The following DCST2 variants were observed in gnomAD, a reference collection of about 807,000 sequenced individuals.
DCST2 encodes DC-STAMP domain-containing protein 2.
In DCST2, 64 loss-of-function variants were observed where a neutral mutation model predicts 81.8. The ratio of observed to expected loss-of-function variants is 0.78; its 90% CI spans 0.64 to 0.96. The LOEUF (loss-of-function observed/expected upper bound fraction) is 0.96, where lower values mean the gene tolerates loss of function less well. Among genes scored for constraint, DCST2 ranks in the 40% least tolerant of loss-of-function variants. The pLI, the probability that DCST2 is intolerant of heterozygous loss-of-function variation, is 0.00. For missense variants in DCST2, 945 were observed against 1,001.4 expected, an observed-to-expected ratio of 0.94 and a Z score of 0.76; for synonymous variants, 354 against 402.6, an observed-to-expected ratio of 0.88 and a Z score of 1.44.
At position 155,024,512 on chromosome 1, in the gene DCST2, C is replaced by T. The variant is rs1222063933; in HGVS notation, c.1702G>A (p.Asp568Asn). 4 of 1,607,916 alleles carry T rather than the reference C, an allele frequency of 2.5e-6. No homozygotes were observed. The highest frequency in any genetic ancestry group is 1.3e-5 in the African/African-American group (1 of 74,744). Residue 568 changes from aspartate (D) to asparagine (N), a missense_variant, in exon 11 of 15, where the codon GAC (aspartate) becomes AAC (asparagine). Coordinates refer to ENST00000368424, the MANE Select transcript of DCST2 (RefSeq NM_144622.3). ...AGGAAGGCACTTCTGTGGCCCTGGT[C>T]AGCCGCCCGCCGCCTCACTGATCGG... ...LHRSVRRRAA[D>N]QGHRSAFLVL...
chr1:155,032,605 C>T lies in DCST2; in HGVS notation c.541+62G>A, dbSNP rs115967436. ...GTGCTGGGATTACAGGCATGAGCCA[C>T]CGCACCCGGCCAGGACTGGGTGCAT... On this transcript the variant is annotated intron_variant, in intron 3 of 14. Coordinates refer to ENST00000368424, the MANE Select transcript of DCST2 (RefSeq NM_144622.3). The T allele has an allele frequency of 4.6e-3, 6,620 of 1,450,640 alleles. 233 individuals carry two copies. In the African/African-American group the frequency reaches 0.081, roughly 18 times the overall value. The allele number at this position is 1,450,640 out of a possible 1,614,324, so 89.9% of individuals were successfully genotyped here.
chr1:155,028,862 C>G (rs1316661413), intron 8 of DCST2, among the ~76,000 whole-genome samples: 1 of 107,012 alleles, frequency 9.3e-6, no homozygotes, highest in Non-Finnish European at 1.8e-5. Context: ...GAACGAGACT[C>G]TGTCTCAAAA....
At chr1:155,029,189 G>A (rs1558101037) in intron 8 of DCST2, 44 bp downstream of exon 8, 3 of 1,603,470 alleles carry the variant, frequency 1.9e-6, no homozygotes, top group Non-Finnish European at 2.6e-6. Flanking sequence ...GGCCGAGGGG[G>A]CTGCAGTGGG....
intron 14 of DCST2, 97 bp downstream of exon 14, chr1:155,023,020 T>G (rs1454169717): frequency 1.3e-6 from 2 of 1,514,340 alleles, no homozygotes; most frequent in East Asian, 4.5e-5. Flanking sequence ...TTTCAAGCCC[T>G]GGCAAAGGTC....
intron 6 of DCST2, 33 bp from the exon 7 acceptor site, chr1:155,030,274 C>T: frequency 1.2e-6 from 2 of 1,613,280 alleles, no homozygotes; most frequent in Non-Finnish European, 1.7e-6. Context: ...ATGTGAGGCC[C>T]CTTAGGACCC....
At chr1:155,028,812 G>C (rs968355976) in intron 8 of DCST2, among the ~76,000 whole-genome samples, 1 of 149,928 alleles carries the variant, frequency 6.7e-6, no homozygotes, top group Non-Finnish European at 1.5e-5. Flanking sequence ...GGCGGAGGCA[G>C]TGAGCCGAGA....
chr1:155,018,888 CAGGCCCACG>C, intron 14 of DCST2, 128 bp from the exon 15 acceptor site: 2 of 932,306 alleles, frequency 2.1e-6, no homozygotes, highest in Non-Finnish European at 3.2e-6. Context: ...CCTGCTCTCT[CAGGCCCACG>C]AGGCGTACCA....
At chr1:155,028,232 A>G (rs1659967857) in intron 8 of DCST2, among the ~76,000 whole-genome samples, 2 of 152,090 alleles carry the variant, frequency 1.3e-5, no homozygotes, top group Non-Finnish European at 2.9e-5. Context: ...GCCCCAACAC[A>G]CATAATCTAA....
At chr1:155,032,314 G>C (rs1660118695) in intron 3 of DCST2, among the ~76,000 whole-genome samples, 1 of 142,856 alleles carries the variant, frequency 7.0e-6, no homozygotes, top group African/African-American at 2.6e-5. Context: ...TTTTTCTTTA[G>C]AGATGGAGTC....
At position 155,023,864 on chromosome 1, in the gene DCST2, T is replaced by C. The variant is rs1239038803; in HGVS notation, c.1838A>G (p.Asn613Ser). The C allele has an allele frequency of 6.2e-7, 1 of 1,613,606 alleles. No individual in the cohort carries two copies. Among genetic ancestry groups the C allele is most frequent in the Non-Finnish European group, 8.5e-7 (1 of 1,179,954 alleles). Residue 613 changes from asparagine to serine, a missense_variant, in exon 12 of 15, where the codon AAC becomes AGC. Asn to Ser is a conservative substitution (Grantham distance 46, BLOSUM62 1). Transcript: ENST00000368424. Reference sequence around the variant, plus strand: ...GCCGGGGGTACTGCAGGACACAGTGTTCTCCATGTCTCCCTCATCCTGGGG... The same window carrying C: ...GCCGGGGGTACTGCAGGACACAGTGCTCTCCATGTCTCCCTCATCCTGGGG... Reference protein sequence around the residue: ...GQPQDEGDMENTVSCSTPGCQ... With the variant: ...GQPQDEGDMESTVSCSTPGCQ...
intron 14 of DCST2, among the ~76,000 whole-genome samples, chr1:155,020,102 G>C (rs1334660105): frequency 6.6e-6 from 1 of 151,966 alleles, no homozygotes; most frequent in Non-Finnish European, 1.5e-5. Context: ...AGGCCACCTG[G>C]TCCACCTGGC....
rs1660175476 is a variant in DCST2 at position 155,033,659 on chromosome 1, C to T, written c.43G>A (p.Glu15Lys). The change falls in exon 1 of 15, where the codon GAG becomes AAG. Residue 15 changes from glutamate to lysine, a missense_variant. Coordinates refer to ENST00000368424, the MANE Select transcript of DCST2 (RefSeq NM_144622.3). ...ACAGCTCTCGCCATGCTAGGCTCCT[C>T]TCCCCCCAAGGGGTGCACAACATCC... ...MKDVVHPLGG[E>K]EPSMARAVVR... is the part of the protein sequence containing the mutation. 3.7e-6 allele frequency: 6 copies of T among 1,614,180 alleles called. No individual in the cohort carries two copies. The highest frequency in any genetic ancestry group is 5.1e-6 in the Non-Finnish European group (6 of 1,180,010).
Position 155,026,693 on chromosome 1 carries a change from G to C in DCST2, c.1365C>G (p.Thr455=), listed in dbSNP as rs530312634. ...VARSPVLVSL[T]VEGTGYAGNI... The stretch of plus-strand genomic sequence containing the variant: ...TCCCAGCGTAGCCAGTACCTTCCAC[G>C]GTTAGAGACACCAACACAGGACCTG... The change falls in exon 9 of 15, where the codon ACC becomes ACG. Residue 455 remains threonine, a synonymous_variant. Coordinates refer to ENST00000368424, the MANE Select transcript of DCST2 (RefSeq NM_144622.3). 1 of 1,614,158 alleles carries C rather than the reference G, an allele frequency of 6.2e-7. No individual in the cohort carries two copies. Among genetic ancestry groups the C allele is most frequent in the South Asian group, 1.1e-5 (1 of 91,084 alleles).
chr1:155,019,169 C>A (rs1297898471), intron 14 of DCST2, among the ~76,000 whole-genome samples: 1 of 152,204 alleles, frequency 6.6e-6, no homozygotes, highest in Non-Finnish European at 1.5e-5. Flanking sequence ...GGAATGTGCC[C>A]ACTGGACAGT....
chr1:155,018,948 G>T (rs1373295498), intron 14 of DCST2, among the ~76,000 whole-genome samples, 188 bp from the exon 15 acceptor site: 1 of 152,154 alleles, frequency 6.6e-6, no homozygotes, highest in Non-Finnish European at 1.5e-5. Context: ...GGCTGATGCT[G>T]GGGGGTGGGC....
chr1:155,022,168 G>A (rs755987019), intron 14 of DCST2, among the ~76,000 whole-genome samples: 9 of 152,050 alleles, frequency 5.9e-5, no homozygotes, highest in South Asian at 2.1e-4. Flanking sequence ...TGCCCGGCCC[G>A]CTTATGGTCT....
rs1333271663 is a variant in DCST2, at chr1:155,023,124, C to T, written c.2098G>A (p.Glu700Lys). Residue 700 changes from glutamate to lysine, a missense_variant, in exon 14 of 15, where the codon GAG becomes AAG. Glu to Lys is a moderately conservative substitution (Grantham distance 56). Coordinates refer to ENST00000368424, the MANE Select transcript of DCST2 (RefSeq NM_144622.3). ...GRSLSMESTSESSDLDEEKGP... is the reference protein window; with the variant it reads ...GRSLSMESTSKSSDLDEEKGP... ...CTCCTGCTTCCTGCTCACCTGGACT[C>T]GGAAGTGGACTCCATTGAGAGGCTC... 10 of 1,612,116 alleles carry T rather than the reference C, an allele frequency of 6.2e-6. No individual in the cohort carries two copies. The highest frequency in any genetic ancestry group is 4.0e-5 in the African/African-American group (3 of 74,938).
At chr1:155,031,856 A>C (rs930631921) in intron 3 of DCST2, 85 bp from the exon 4 acceptor site, 2 of 1,370,396 alleles carry the variant, frequency 1.5e-6, no homozygotes, top group South Asian at 2.5e-5. Context: ...CACAGTATCC[A>C]GGGCTGGAGA....
rs118029033 is a variant in DCST2 at position 155,032,876 on chromosome 1, G to A, written c.440-108C>T. 1,141 of 1,148,002 alleles carry A rather than the reference G, an allele frequency of 9.9e-4. 13 individuals carry two copies. In the East Asian group the frequency reaches 0.024, roughly 25 times the overall value. The allele number at this position is 1,148,002 out of a possible 1,614,324, so 71.1% of individuals were successfully genotyped here. A position where few individuals can be genotyped will look rare whatever the true frequency, so the allele number is the denominator to read the frequency against. ...AGAGGAGGCCACCATTTCCAGAGGC[G>A]GGAAGCCTGGATTCTGGGGCCTGGG... On this transcript the variant is annotated intron_variant, in intron 2 of 14. Transcript: ENST00000368424.
Sources: gnomAD v4.1 joint callset for allele counts (sites outside exome capture counted in the v4.1 genomes callset) on GRCh38, gnomAD v4.1.1 for gene constraint, MANE v1.5 for transcripts, NCBI Gene and HGNC (gene_info 2026-07-23, HGNC 2026-07-21) for gene names.